FOXP2: variants seen among roughly 807,000 people sequenced by gnomAD.
FOXP2 encodes the protein forkhead box P2.
In FOXP2, 12 loss-of-function variants were observed where a neutral mutation model predicts 115.8. The ratio of observed to expected loss-of-function variants is 0.10; its 90% CI spans 0.07 to 0.17. FOXP2 has a LOEUF of 0.17. Among genes scored for constraint, FOXP2 ranks in the 10% least tolerant of loss-of-function variants. The probability of loss-of-function intolerance (pLI) is 1.00; values close to 1 mark genes in which losing one functional copy is unlikely to be tolerated. For missense variants in FOXP2, 629 were observed against 843.5 expected, an observed-to-expected ratio of 0.75 and a Z score of 3.15; for synonymous variants, 328 against 297.7, an observed-to-expected ratio of 1.10 and a Z score of -1.05.
intron 3 of FOXP2, among the ~76,000 whole-genome samples, chr7:114,559,500 A>T (rs1428493654): frequency 6.6e-6 from 1 of 152,180 alleles, no homozygotes; most frequent in East Asian, 1.9e-4. Context: ...GAAGTGAAAA[A>T]GAAGGGGATT....
intron 1 of FOXP2, among the ~76,000 whole-genome samples, chr7:114,169,562 G>C (rs994358090): frequency 1.3e-5 from 2 of 152,180 alleles, no homozygotes; most frequent in East Asian, 1.9e-4. Context: ...AGGTTCATGG[G>C]GGGAAGGGAC....
chr7:114,408,806 T>C (rs1231302514), intron 2 of FOXP2, among the ~76,000 whole-genome samples: 2 of 152,060 alleles, frequency 1.3e-5, no homozygotes, highest in Non-Finnish European at 2.9e-5. Context: ...AGCAGTGACA[T>C]CATATTTTAA....
At chr7:114,612,299 C>T (rs1413570505) in intron 3 of FOXP2, among the ~76,000 whole-genome samples, 2 of 139,448 alleles carry the variant, frequency 1.4e-5, no homozygotes, top group African/African-American at 5.7e-5. Flanking sequence ...CCTTGCTCAT[C>T]CCTCATGTGG....
chr7:114,142,575 T>C (rs1792247690), intron 1 of FOXP2, among the ~76,000 whole-genome samples: 1 of 152,176 alleles, frequency 6.6e-6, no homozygotes, highest in Non-Finnish European at 1.5e-5. Flanking sequence ...GCTTACATTT[T>C]ATATTATATT....
intron 2 of FOXP2, among the ~76,000 whole-genome samples, chr7:114,441,325 G>A (rs562793588): frequency 3.0e-4 from 45 of 152,090 alleles, no homozygotes; most frequent in African/African-American, 1.1e-3. Context: ...GGTGGTGCAT[G>A]CCTGTAGTCC....
At chr7:114,498,984 C>T (rs1797446829) in intron 2 of FOXP2, 2 of 716,030 alleles carry the variant, frequency 2.8e-6, no homozygotes, top group South Asian at 1.5e-5. Context: ...AGTCCTGGAC[C>T]AGCAGCAACA....
At chr7:114,143,560 T>C (rs1474102012) in intron 1 of FOXP2, among the ~76,000 whole-genome samples, 1 of 152,166 alleles carries the variant, frequency 6.6e-6, no homozygotes, top group East Asian at 1.9e-4. Context: ...TTGTAATTAC[T>C]AAGAAAACTA....
intron 3 of FOXP2, among the ~76,000 whole-genome samples, chr7:114,540,394 C>T (rs539886416): frequency 6.6e-6 from 1 of 152,078 alleles, no homozygotes; most frequent in East Asian, 1.9e-4. Context: ...AATAAATAAA[C>T]TTGTTGAAAC....
At chr7:114,092,977 A>G (rs1799573556) in intron 1 of FOXP2, among the ~76,000 whole-genome samples, 2 of 152,172 alleles carry the variant, frequency 1.3e-5, no homozygotes, top group Admixed American at 6.5e-5. Context: ...AACTGTGGCA[A>G]TAACTACTTA....
intron 1 of FOXP2, among the ~76,000 whole-genome samples, chr7:114,179,387 A>G (rs1170445784): frequency 1.3e-5 from 2 of 151,916 alleles, no homozygotes; most frequent in Non-Finnish European, 2.9e-5. Flanking sequence ...TTTCTAGTAG[A>G]TTTTAAGAAT....
intron 4 of FOXP2, chr7:114,628,973 G>A: frequency 3.0e-6 from 1 of 336,904 alleles, no homozygotes; most frequent in Non-Finnish European, 5.6e-6. Context: ...TTGTTGACTT[G>A]CCAAAAAAAT....
At chr7:114,667,286 G>T (rs1807215773) in intron 16 of FOXP2, 1 of 152,064 alleles carries the variant, frequency 6.6e-6, no homozygotes, top group Non-Finnish European at 1.5e-5. Context: ...AATTAGTTGG[G>T]TGTGGTGTGT....
At chr7:114,208,231 G>A (rs1794250405) in intron 1 of FOXP2, among the ~76,000 whole-genome samples, 1 of 152,198 alleles carries the variant, frequency 6.6e-6, no homozygotes, top group African/African-American at 2.4e-5. Flanking sequence ...TGACCTGGAT[G>A]TGCGACCTGG....
At chr7:114,554,036 C>G (rs1011282812) in intron 3 of FOXP2, among the ~76,000 whole-genome samples, 1 of 151,974 alleles carries the variant, frequency 6.6e-6, no homozygotes, top group African/African-American at 2.4e-5. Context: ...ATAAAAATCT[C>G]TATTATTATG....
chr7:114,518,616 C>T lies in FOXP2; in HGVS notation c.169-16001C>T, dbSNP rs371722514. 7.9e-5 allele frequency among the ~76,000 whole-genome samples: 12 copies of T among 152,204 alleles called. No homozygotes were observed. In the East Asian group the frequency reaches 2.3e-3, roughly 29 times the overall value. On this transcript the variant is annotated intron_variant, in intron 2 of 16. Coordinates refer to ENST00000350908, the MANE Select transcript of FOXP2 (RefSeq NM_014491.4). Reference sequence around the variant, plus strand: ...CTCCCAGGTTCAAGCGATTCTCCTGCCTCAGTCTCCTGAGTAGCTGGGACT... The same window carrying T: ...CTCCCAGGTTCAAGCGATTCTCCTGTCTCAGTCTCCTGAGTAGCTGGGACT...
intron 2 of FOXP2, among the ~76,000 whole-genome samples, chr7:114,434,440 G>T (rs901237994): frequency 1.3e-4 from 1 of 7,644 alleles, no homozygotes; most frequent in Non-Finnish European, 1.8e-4. Flanking sequence ...AATATATATG[G>T]GGGGGGGGGA....
intron 1 of FOXP2, among the ~76,000 whole-genome samples, chr7:114,150,162 A>T (rs2129148740): frequency 6.6e-6 from 1 of 152,214 alleles, no homozygotes; most frequent in East Asian, 1.9e-4. Flanking sequence ...AATACATAGT[A>T]TCTTGTAGCC....
At chr7:114,175,206 T>C (rs1308224928) in intron 1 of FOXP2, among the ~76,000 whole-genome samples, 3 of 152,130 alleles carry the variant, frequency 2.0e-5, no homozygotes, top group African/African-American at 7.2e-5. Flanking sequence ...AGACAAAACT[T>C]GCTAAACACA....
At chr7:114,620,687 A>C (rs984537531) in intron 3 of FOXP2, among the ~76,000 whole-genome samples, 3 of 152,072 alleles carry the variant, frequency 2.0e-5, no homozygotes, top group African/African-American at 7.2e-5. Flanking sequence ...CAACAGTATG[A>C]TATCTCATAA....
Sources: gnomAD v4.1 joint callset for allele counts (sites outside exome capture counted in the v4.1 genomes callset) on GRCh38, gnomAD v4.1.1 for gene constraint, MANE v1.5 for transcripts, NCBI Gene and HGNC (gene_info 2026-07-23, HGNC 2026-07-21) for gene names.